Variants in ADAM20 observed in about 807,000 individuals in gnomAD.
The protein encoded by ADAM20 is ADAM metallopeptidase domain 20, also known as disintegrin and metalloproteinase domain-containing protein 20.
For missense variants in ADAM20, 871 were observed against 883.2 expected, an observed-to-expected ratio of 0.99 and a Z score of 0.18; for synonymous variants, 305 against 310.2, an observed-to-expected ratio of 0.98 and a Z score of 0.18.
In ADAM20 at chr14:70,525,065, CAAG is replaced by C. The variant is rs1883560302; in HGVS notation, c.-176-135_-176-133del. ...TTAGGATTCTCTTAATACATATGGC[CAAG>C]AAGATTTCCAGATAGGGGAGATTGC... is the stretch of plus-strand genomic sequence containing the variant. On this transcript the variant is annotated intron_variant, in intron 1 of 1. Coordinates refer to ENST00000256389, the MANE Select transcript of ADAM20 (RefSeq NM_003814.5). 2.3e-5 allele frequency: 18 copies of C among 766,788 alleles called. No homozygotes were observed. In the South Asian group the frequency reaches 3.2e-4, roughly 14 times the overall value. 47.5% of individuals were successfully genotyped at this position (766,788 alleles called of 1,614,324 possible). A position where few individuals can be genotyped will look rare whatever the true frequency, so the allele number is the denominator to read the frequency against.
intron 1 of ADAM20, among the ~76,000 whole-genome samples, chr14:70,526,169 T>G (rs762428311): frequency 5.3e-4 from 81 of 152,234 alleles, no homozygotes; most frequent in Non-Finnish European, 1.9e-4. Context: ...GTTCCTGACT[T>G]TCACTTAAAA....
intron 1 of ADAM20, among the ~76,000 whole-genome samples, chr14:70,526,844 C>A (rs1421818483): frequency 6.6e-6 from 1 of 152,160 alleles, no homozygotes; most frequent in Admixed American, 6.6e-5. Flanking sequence ...CTCATCAACA[C>A]CCTATCTTAT....
chr14:70,569,308 T>C, the ADAM20 span, among the ~76,000 whole-genome samples: 2 of 152,200 alleles, frequency 1.3e-5, no homozygotes, highest in African/African-American at 4.8e-5. Flanking sequence ...ATGATACTGC[T>C]ACCATAAAAC....
upstream of ADAM20, among the ~76,000 whole-genome samples, chr14:70,536,914 T>A (rs1354999703): frequency 3.5e-5 from 5 of 144,538 alleles, no homozygotes; most frequent in African/African-American, 1.3e-4. Context: ...CAATAAAAAC[T>A]CTTAGTCCAT....
At chr14:70,554,123 A>G in the ADAM20 span, among the ~76,000 whole-genome samples, 2 of 152,362 alleles carry the variant, frequency 1.3e-5, no homozygotes, top group South Asian at 4.1e-4. Flanking sequence ...ATATGATAAC[A>G]GTGAACAATC....
the ADAM20 span, among the ~76,000 whole-genome samples, chr14:70,563,585 G>A: frequency 5.3e-5 from 8 of 152,180 alleles, no homozygotes; most frequent in Admixed American, 1.3e-4. Flanking sequence ...AATCCCCAGC[G>A]TTGGAGGTGG....
chr14:70,524,106 T>A lies in ADAM20; in HGVS notation c.652A>T (p.Ile218Phe), dbSNP rs1238207722. Residue 218 changes from isoleucine (I) to phenylalanine (F), a missense_variant, in exon 2 of 2, where the codon ATT becomes TTT. By Grantham distance (21) the Ile-to-Phe change is conservative. Transcript: ENST00000256389. The part of the protein sequence containing the change: ...FVELVVVVDN[I>F]RYLFSQSNAT... ...TTACTTTGAGAGAAAAGATATCTAATATTATCCACGACCACTACCAGCTCA... is the reference window on the plus strand; with the variant it reads ...TTACTTTGAGAGAAAAGATATCTAAAATTATCCACGACCACTACCAGCTCA... The A allele has an allele frequency of 1.2e-6, 2 of 1,613,932 alleles. No homozygotes were observed. Among genetic ancestry groups the A allele is most frequent in the Admixed American group, 3.3e-5 (2 of 59,962 alleles).
upstream of ADAM20, chr14:70,535,124 G>A (rs1056751087): frequency 2.6e-5 from 4 of 152,208 alleles, no homozygotes; most frequent in African/African-American, 7.2e-5. Context: ...AGTGACTGCT[G>A]TGATAATTAC....
chr14:70,525,094 A>G (rs1883560964), intron 1 of ADAM20, among the ~76,000 whole-genome samples, 161 bp from the exon 2 acceptor site: 2 of 152,234 alleles, frequency 1.3e-5, no homozygotes, highest in Admixed American at 1.3e-4. Context: ...GGGAGATTGC[A>G]CATAGGTGAG....
At chr14:70,528,709 G>A (rs1879107858) in intron 1 of ADAM20, among the ~76,000 whole-genome samples, 2 of 152,166 alleles carry the variant, frequency 1.3e-5, no homozygotes, top group African/African-American at 2.4e-5. Context: ...GAAAGGTTTT[G>A]ACAAGGACAC....
intron 1 of ADAM20, among the ~76,000 whole-genome samples, chr14:70,530,401 C>G (rs1883685850): frequency 6.6e-6 from 1 of 152,024 alleles, no homozygotes; most frequent in African/African-American, 2.4e-5. Context: ...TTACAGTTAG[C>G]TAACTTTTAA....
chr14:70,531,462 A>T (rs1285187949), intron 1 of ADAM20, among the ~76,000 whole-genome samples: 1 of 152,156 alleles, frequency 6.6e-6, no homozygotes, highest in Non-Finnish European at 1.5e-5. Flanking sequence ...AGGCAAGAAT[A>T]TCCATTTTAT....
chr14:70,561,748 G>C, the ADAM20 span, among the ~76,000 whole-genome samples: 1 of 152,262 alleles, frequency 6.6e-6, no homozygotes, highest in East Asian at 1.9e-4. Flanking sequence ...GCTTCAGAGA[G>C]TGCAAGCCCC....
chr14:70,570,086 G>A, the ADAM20 span, among the ~76,000 whole-genome samples: 1 of 151,856 alleles, frequency 6.6e-6, no homozygotes, highest in African/African-American at 2.4e-5. Flanking sequence ...CAAAAAAACT[G>A]AAATCATATC....
At chr14:70,564,686 A>C in the ADAM20 span, among the ~76,000 whole-genome samples, 1 of 151,964 alleles carries the variant, frequency 6.6e-6, no homozygotes, top group South Asian at 2.1e-4. Context: ...AAATTAAATC[A>C]AAAAATAAAA....
chr14:70,529,265 G>C (rs547283540), intron 1 of ADAM20, among the ~76,000 whole-genome samples: 3 of 152,178 alleles, frequency 2.0e-5, no homozygotes, highest in African/African-American at 7.2e-5. Flanking sequence ...TATTCTCCAG[G>C]ATAGTTCACA....
At chr14:70,539,042 T>C (rs574837877), upstream of ADAM20, among the ~76,000 whole-genome samples, 1 of 152,148 alleles carries the variant, frequency 6.6e-6, no homozygotes, top group Admixed American at 6.5e-5. Context: ...GCATGCAGGA[T>C]TGTGTAAAGA....
the ADAM20 span, among the ~76,000 whole-genome samples, chr14:70,565,905 G>A: frequency 1.3e-5 from 2 of 151,296 alleles, no homozygotes; most frequent in African/African-American, 4.9e-5. Context: ...GGTACCGGGG[G>A]ATCACTACAT....
chr14:70,531,689 C>T (rs1033307325), intron 1 of ADAM20, among the ~76,000 whole-genome samples: 8 of 151,816 alleles, frequency 5.3e-5, no homozygotes, highest in South Asian at 2.1e-4. Context: ...ACAAAAGTCA[C>T]GTGCATAATT....
Sources: gnomAD v4.1 joint callset for allele counts (sites outside exome capture counted in the v4.1 genomes callset) on GRCh38, gnomAD v4.1.1 for gene constraint, MANE v1.5 for transcripts, NCBI Gene and HGNC (gene_info 2026-07-23, HGNC 2026-07-21) for gene names.